Variants in DAAM2 observed in about 807,000 individuals in gnomAD.
DAAM2 encodes disheveled-associated activator of morphogenesis 2.
A neutral mutation model predicts 120.7 loss-of-function variants in DAAM2; 39 were observed. That is an observed-to-expected ratio of 0.32 (90% CI 0.25 to 0.42). The LOEUF is 0.42. Among genes scored for constraint, DAAM2 ranks in the 10% least tolerant of loss-of-function variants. DAAM2 has a pLI of 1.00. For synonymous variants in DAAM2, 488 were observed against 524.9 expected (o/e 0.93, Z 0.96); for missense variants, 1,283 against 1,401.7 (o/e 0.92, Z 1.35).
intron 22 of DAAM2, 181 bp downstream of exon 22, chr6:39,899,118 T>C: frequency 1.7e-6 from 1 of 601,796 alleles, no homozygotes; most frequent in Non-Finnish European, 3.0e-6. Flanking sequence ...TAAAAGGGGT[T>C]ACCTAAGACT....
intron 1 of DAAM2, among the ~76,000 whole-genome samples, chr6:39,798,218 C>A (rs977778869): frequency 6.6e-6 from 1 of 152,168 alleles, no homozygotes; most frequent in African/African-American, 2.4e-5. Context: ...TGTATGATTC[C>A]TGGAACACTT....
At chr6:39,893,737 A>G (rs1765891506) in intron 19 of DAAM2, among the ~76,000 whole-genome samples, 2 of 152,214 alleles carry the variant, frequency 1.3e-5, no homozygotes, top group African/African-American at 2.4e-5. Context: ...TAGATAGGAA[A>G]GATATGCCTA....
intron 1 of DAAM2, among the ~76,000 whole-genome samples, chr6:39,847,518 C>G (rs1264118548): frequency 6.6e-6 from 1 of 152,128 alleles, no homozygotes; most frequent in East Asian, 1.9e-4. Context: ...TAATGGGTAG[C>G]AGAGACATGG....
At chr6:39,834,112 G>A (rs1485072803) in intron 1 of DAAM2, among the ~76,000 whole-genome samples, 1 of 152,176 alleles carries the variant, frequency 6.6e-6, no homozygotes, top group African/African-American at 2.4e-5. Context: ...TGGCTCTTTA[G>A]CACTCAGTGA....
In DAAM2 at chr6:39,901,253, C is replaced by T. The variant is rs1766462634; in HGVS notation, c.2812-49C>T. On this transcript the variant is annotated intron_variant, in intron 23 of 24. Transcript: ENST00000274867. The surrounding 1 kb of genome is among the most constrained non-coding windows in gnomAD (Gnocchi z 4.5). ...CCCAGCTAACCTCAGGGGCTGAGCC[C>T]AGCATGCTCCAGGGCACTCTCCACC... The T allele has an allele frequency of 1.3e-6, 2 of 1,560,120 alleles. No homozygotes were observed. The highest frequency in any genetic ancestry group is 1.8e-6 in the Non-Finnish European group (2 of 1,141,442).
At chr6:39,891,898 G>C in intron 19 of DAAM2, 176 bp downstream of exon 19, 1 of 608,916 alleles carries the variant, frequency 1.6e-6, no homozygotes, top group East Asian at 2.8e-5. Context: ...ATATGCACTT[G>C]CTTATATTAG....
chr6:39,806,750 C>T (rs1192054802), intron 1 of DAAM2, among the ~76,000 whole-genome samples: 1 of 143,480 alleles, frequency 7.0e-6, no homozygotes, highest in Admixed American at 7.3e-5. Context: ...GAATCATAAA[C>T]ATATGAAAAG....
chr6:39,803,994 C>A (rs1192927401), intron 1 of DAAM2, among the ~76,000 whole-genome samples: 1 of 152,180 alleles, frequency 6.6e-6, no homozygotes, highest in Non-Finnish European at 1.5e-5. Context: ...CTGTCCTGGG[C>A]AGCCTGGGAC....
At chr6:39,892,299 G>A (rs1218450873) in intron 19 of DAAM2, among the ~76,000 whole-genome samples, 1 of 152,198 alleles carries the variant, frequency 6.6e-6, no homozygotes, top group Non-Finnish European at 1.5e-5. Flanking sequence ...TCCTCATTTG[G>A]TCATCACAGC....
intron 1 of DAAM2, among the ~76,000 whole-genome samples, chr6:39,831,981 T>TG (rs1157093741): frequency 1.6e-4 from 3 of 18,864 alleles, no homozygotes; most frequent in African/African-American, 2.2e-4. Context: ...GTAGGTGCAC[T>TG]GGGGGGTAGG....
rs748045484 is a variant in DAAM2, at chr6:39,883,976, C to A, written c.1860C>A (p.Gly620=). 5.6e-6 allele frequency: 9 copies of A among 1,612,428 alleles called. No individual in the cohort carries two copies. The highest frequency in any genetic ancestry group is 7.6e-6 in the Non-Finnish European group (9 of 1,178,686). The part of the protein sequence containing the change: ...WVKLNEERVP[G]TVWNEIDDMQ... ...CTGAATTTTAGGAGCGTGTCCCTGG[C>A]ACCGTATGGAATGAGATTGATGACA... Residue 620 remains glycine (G), a synonymous_variant, in exon 15 of 25, where the codon GGC becomes GGA. Coordinates refer to ENST00000274867, the MANE Select transcript of DAAM2 (RefSeq NM_001201427.2).
chr6:39,889,431 C>T (rs565758295), intron 17 of DAAM2, among the ~76,000 whole-genome samples: 60 of 152,254 alleles, frequency 3.9e-4, no homozygotes, highest in Middle Eastern at 6.8e-3. Flanking sequence ...CATGTGCTGA[C>T]GAGGATGTGA....
chr6:39,878,433 A>C lies in DAAM2; in HGVS notation c.1390A>C (p.Arg464=), dbSNP rs1479816291. The C allele has an allele frequency of 6.2e-7, 1 of 1,612,106 alleles. No individual in the cohort carries two copies. Among genetic ancestry groups the C allele is most frequent in the African/African-American group, 1.3e-5 (1 of 74,870 alleles). Residue 464 remains arginine, a synonymous_variant, in exon 13 of 25, where the codon AGG becomes CGG. Coordinates refer to ENST00000274867, the MANE Select transcript of DAAM2 (RefSeq NM_001201427.2). The surrounding 1 kb of genome is among the most constrained non-coding windows in gnomAD (Gnocchi z 5.0). ...EHMELVSRLE[R]KERECETKTL... The stretch of plus-strand genomic sequence containing the variant: ...CATGGAGCTTGTGAGCCGTCTGGAG[A>C]GGAAGGAGCGGGAATGCGAGACAAA...
At chr6:39,865,298 G>T (rs1445867112) in intron 5 of DAAM2, among the ~76,000 whole-genome samples, 1 of 152,230 alleles carries the variant, frequency 6.6e-6, no homozygotes, top group Admixed American at 6.5e-5. Flanking sequence ...AGGTCCTGAG[G>T]AGCTCTCTAA....
rs537918679 is a variant in DAAM2, at chr6:39,862,275, AG to A, written c.258+1259del. The stretch of plus-strand genomic sequence containing the variant: ...CTGCACACGCTATGAGCCATTGTCT[AG>A]TATACTCAATGCATGCTTATTAAGC... On this transcript the variant is annotated intron_variant, in intron 3 of 24. Coordinates refer to ENST00000274867, the MANE Select transcript of DAAM2 (RefSeq NM_001201427.2). The A allele has an allele frequency of 5.9e-5, 9 of 152,330 alleles. No individual in the cohort carries two copies. In the East Asian group the frequency reaches 1.7e-3, roughly 29 times the overall value. 9.4% of individuals were successfully genotyped at this position (152,330 alleles called of 1,614,324 possible).
chr6:39,882,541 C>T (rs1480269979), intron 14 of DAAM2, among the ~76,000 whole-genome samples: 2 of 151,944 alleles, frequency 1.3e-5, no homozygotes, highest in African/African-American at 2.4e-5. Context: ...CAGAGGGAGG[C>T]CTCCCTGCAG....
chr6:39,838,815 C>T (rs1181742436), intron 1 of DAAM2, among the ~76,000 whole-genome samples: 1 of 152,114 alleles, frequency 6.6e-6, no homozygotes, highest in African/African-American at 2.4e-5. Context: ...CACACTACCA[C>T]ACCTAGCTAA....
intron 1 of DAAM2, among the ~76,000 whole-genome samples, chr6:39,807,760 G>A (rs866122545): frequency 1.3e-5 from 2 of 152,070 alleles, no homozygotes; most frequent in Non-Finnish European, 2.9e-5. Context: ...CAAGTGACCC[G>A]CCCACCTCGG....
At chr6:39,899,699 AT>A (rs528667117) in intron 22 of DAAM2, 146 of 175,894 alleles carry the variant, frequency 8.3e-4, no homozygotes, top group Non-Finnish European at 1.6e-3. Context: ...CAGCTTCTGA[AT>A]CAGCTGGGAG....
Sources: allele counts gnomAD v4.1 joint callset (sites outside exome capture counted in the v4.1 genomes callset), GRCh38; gene constraint gnomAD v4.1.1; non-coding constraint Gnocchi (gnomAD v3.1); transcripts MANE v1.5; gene names NCBI Gene and HGNC (gene_info 2026-07-23, HGNC 2026-07-21).